AVEN: variants seen among roughly 807,000 people sequenced by gnomAD.
The protein encoded by AVEN is apoptosis and caspase activation inhibitor.
Under a neutral mutation model 38.1 loss-of-function variants are expected in AVEN, and 41 were observed. The ratio of observed to expected loss-of-function variants is 1.08; its 90% confidence interval spans 0.84 to 1.40. The LOEUF (loss-of-function observed/expected upper bound fraction) is 1.40. Ranked by LOEUF, AVEN falls within the 40% of genes most tolerant of loss-of-function variation. AVEN has a pLI of 0.00. For missense variants in AVEN, 605 were observed against 438.8 expected (o/e 1.38, Z -3.38); for synonymous variants, 206 against 171.8 (o/e 1.20, Z -1.56).
chr15:33,886,960 T>C (rs1184007352), intron 2 of AVEN, among the ~76,000 whole-genome samples: 1 of 151,904 alleles, frequency 6.6e-6, no homozygotes, highest in African/African-American at 2.4e-5. Context: ...GATGGAAAAA[T>C]AGTTGAAGAA....
intron 2 of AVEN, among the ~76,000 whole-genome samples, chr15:33,911,603 A>C (rs933250712): frequency 2.0e-5 from 3 of 152,238 alleles, no homozygotes; most frequent in Admixed American, 6.5e-5. Flanking sequence ...TCCCAGGGTC[A>C]TGATATTTAA....
intron 1 of AVEN, among the ~76,000 whole-genome samples, chr15:34,005,389 G>C (rs1231298053): frequency 6.6e-6 from 1 of 152,042 alleles, no homozygotes; most frequent in Non-Finnish European, 1.5e-5. Flanking sequence ...TTATTGACAA[G>C]GCCAGGCTAG....
intron 2 of AVEN, among the ~76,000 whole-genome samples, chr15:33,963,724 G>A (rs1895282991): frequency 6.6e-6 from 1 of 150,884 alleles, no homozygotes; most frequent in Non-Finnish European, 1.5e-5. Flanking sequence ...TTGAACCTGG[G>A]AGGCAGAGGT....
chr15:33,868,544 CAA>C (rs35851228), intron 4 of AVEN, among the ~76,000 whole-genome samples: 3,895 of 65,620 alleles, frequency 0.059, 39 homozygotes, highest in African/African-American at 0.12. Context: ...GACTCCGTCT[CAA>C]AAAAAAAAAA....
At chr15:33,985,347 A>G (rs514472) in intron 2 of AVEN, among the ~76,000 whole-genome samples, 138,814 of 150,810 alleles carry the variant, frequency 0.92, 64,827 homozygotes, top group Non-Finnish European at 1. Context: ...TGTGGGCTTT[A>G]TTACAGGGAA....
intron 2 of AVEN, among the ~76,000 whole-genome samples, chr15:33,939,696 T>C (rs1387048526): frequency 1.3e-5 from 2 of 152,186 alleles, no homozygotes; most frequent in African/African-American, 4.8e-5. Flanking sequence ...TTGCTACAGC[T>C]CTAAAATTCT....
At chr15:34,059,429 G>A (rs945560867) in intron 5 of AVEN, among the ~76,000 whole-genome samples, 1 of 152,060 alleles carries the variant, frequency 6.6e-6, no homozygotes, top group Non-Finnish European at 1.5e-5. Flanking sequence ...ACTTCTCTCC[G>A]GACTAATGCT....
At chr15:33,967,219 C>A (rs921763299) in intron 2 of AVEN, among the ~76,000 whole-genome samples, 4 of 152,098 alleles carry the variant, frequency 2.6e-5, no homozygotes, top group African/African-American at 4.8e-5. Flanking sequence ...CTTTCTCATA[C>A]ATGTTCATCT....
intron 2 of AVEN, among the ~76,000 whole-genome samples, chr15:33,977,239 G>A (rs747482389): frequency 6.4e-4 from 97 of 152,212 alleles, no homozygotes; most frequent in Non-Finnish European, 1.1e-3. Flanking sequence ...AGACAGGGAA[G>A]CTTGCCTTTA....
chr15:34,007,453 G>A (rs764537666), intron 1 of AVEN, among the ~76,000 whole-genome samples: 27 of 152,216 alleles, frequency 1.8e-4, no homozygotes, highest in Non-Finnish European at 3.5e-4. Flanking sequence ...AACCAGGCAC[G>A]CTTTTCCTCT....
chr15:33,983,170 G>GTGTGTATATA (rs796742277), intron 2 of AVEN, among the ~76,000 whole-genome samples: 28 of 126,606 alleles, frequency 2.2e-4, no homozygotes, highest in African/African-American at 5.1e-4. Flanking sequence ...ATGTGTGTGT[G>GTGTGTATATA]TATATATACA....
intron 4 of AVEN, 122 bp from the exon 5 acceptor site, chr15:33,867,977 G>T: frequency 2.3e-6 from 3 of 1,332,652 alleles, no homozygotes; most frequent in Non-Finnish European, 3.0e-6. Context: ...AATTCAGATA[G>T]TTCACAAAGT....
At chr15:33,853,084 A>G in the AVEN span, 1 of 1,598,428 alleles carries the variant, frequency 6.3e-7, no homozygotes, top group Non-Finnish European at 8.5e-7. Context: ...TTGTAAAGAG[A>G]AAGGTATGCC....
chr15:34,019,330 T>A (rs1898104658), intron 1 of AVEN, among the ~76,000 whole-genome samples: 1 of 152,254 alleles, frequency 6.6e-6, no homozygotes, highest in Non-Finnish European at 1.5e-5. Context: ...TTGGTACAGC[T>A]GTACAATGTG....
At position 33,860,809 on chromosome 15, in the gene AVEN, A is replaced by C. The variant is rs543256793; in HGVS notation, n.2730-1715T>G. On this transcript the variant is annotated intron_variant and non_coding_transcript_variant, in intron 11 of 11. Transcript: ENST00000675287. ...CATGCCCTGTTCTCTGCACCCTGCCATACCCCTGCCAGGCCGGCCACTCTG... is the reference window on the plus strand; with the variant it reads ...CATGCCCTGTTCTCTGCACCCTGCCCTACCCCTGCCAGGCCGGCCACTCTG... 7.0e-6 allele frequency: 5 copies of C among 709,644 alleles called. No individual in the cohort carries two copies. The East Asian group carries it at 8.1e-5, about 11-fold the overall frequency. 44.0% of individuals were successfully genotyped at this position (709,644 alleles called of 1,614,324 possible).
chr15:33,866,592 C>T lies in AVEN; in HGVS notation c.*21G>A. ...GTTAGAAGGCAACCAAGATTTGCTT[C>T]AGGCACTTTTTTTCCCCTTTTTAGG... On this transcript the variant is annotated 3_prime_UTR_variant, in exon 6 of 6. Transcript: ENST00000306730. The T allele has an allele frequency of 6.3e-7, 1 of 1,593,176 alleles. No homozygotes were observed. The highest frequency in any genetic ancestry group is 8.6e-7 in the Non-Finnish European group (1 of 1,161,964).
chr15:33,949,793 T>C (rs898405707), intron 2 of AVEN, among the ~76,000 whole-genome samples: 3 of 152,218 alleles, frequency 2.0e-5, no homozygotes, highest in Admixed American at 2.0e-4. Context: ...ACAGCTATTA[T>C]GGGAAACAGA....
At chr15:33,927,148 G>T (rs1893642310) in intron 2 of AVEN, among the ~76,000 whole-genome samples, 1 of 151,848 alleles carries the variant, frequency 6.6e-6, no homozygotes, top group Non-Finnish European at 1.5e-5. Flanking sequence ...CCAGCTACTG[G>T]GGAGGCTGAG....
chr15:34,062,643 A>G (rs1900380589), intron 5 of AVEN: 5 of 1,406,466 alleles, frequency 3.6e-6, no homozygotes, highest in Non-Finnish European at 4.9e-6. Context: ...TCTCTTCCAG[A>G]TGCTGGCCAA....
Sources: gnomAD v4.1 joint callset for allele counts (sites outside exome capture counted in the v4.1 genomes callset) on GRCh38, gnomAD v4.1.1 for gene constraint, MANE v1.5 for transcripts, NCBI Gene and HGNC (gene_info 2026-07-23, HGNC 2026-07-21) for gene names.